Variants in ZGRF1 observed in about 807,000 individuals in gnomAD.
ZGRF1 encodes 5'-3' DNA helicase ZGRF1.
Under a neutral mutation model 203.5 loss-of-function variants are expected in ZGRF1, and 196 were observed. The observed-to-expected ratio is 0.96, with a 90% CI of 0.86 to 1.08. The LOEUF (loss-of-function observed/expected upper bound fraction) is 1.08. Among genes scored for constraint, ZGRF1 ranks in the 50% least tolerant of loss-of-function variants. The probability of loss-of-function intolerance (pLI) is 0.00; values close to 1 mark genes in which losing one functional copy is unlikely to be tolerated. For synonymous variants in ZGRF1, 809 were observed against 841.3 expected (o/e 0.96, Z 0.66); for missense variants, 2,326 against 2,416.3 (o/e 0.96, Z 0.78).
chr4:112,622,729 C>T (rs1172759306), intron 4 of ZGRF1, among the ~76,000 whole-genome samples: 2 of 152,086 alleles, frequency 1.3e-5, no homozygotes, highest in Non-Finnish European at 2.9e-5. Flanking sequence ...AATATCCTAA[C>T]TCTTCACTAA....
chr4:112,565,334 A>C lies in ZGRF1; in HGVS notation c.4439-2060T>G, dbSNP rs943447719. The C allele has an allele frequency of 2.2e-6, 3 of 1,344,934 alleles. No homozygotes were observed. The African/African-American group carries it at 4.3e-5, about 19-fold the overall frequency. 83.3% of individuals were successfully genotyped at this position (1,344,934 alleles called of 1,614,324 possible). Reference sequence around the variant, plus strand: ...ACCAACCTGTGTGCTATCCATGCCAAACGTGTAACAATTATGCCAAAAGAC... The same window carrying C: ...ACCAACCTGTGTGCTATCCATGCCACACGTGTAACAATTATGCCAAAAGAC... On this transcript the variant is annotated intron_variant, in intron 16 of 27. Transcript: ENST00000505019.
intron 16 of ZGRF1, among the ~76,000 whole-genome samples, chr4:112,572,985 A>G (rs1744462027): frequency 6.6e-6 from 1 of 152,208 alleles, no homozygotes; most frequent in South Asian, 2.1e-4. Flanking sequence ...AACAGTGTGG[A>G]GATTCCTTAA....
chr4:112,634,745 T>C (rs772966165), intron 1 of ZGRF1, among the ~76,000 whole-genome samples: 2 of 152,182 alleles, frequency 1.3e-5, no homozygotes, highest in East Asian at 1.9e-4. Context: ...GGAGAAAGAA[T>C]AGGTAAGGGG....
At chr4:112,620,261 A>G (rs750434697) in intron 4 of ZGRF1, 71 bp from the exon 5 acceptor site, 57 of 1,217,648 alleles carry the variant, frequency 4.7e-5, no homozygotes, top group South Asian at 3.0e-4. Context: ...GATGCTCACT[A>G]GCACTAAGAC....
rs555500755 is a variant in ZGRF1, at chr4:112,566,200, T to C, written c.4439-2926A>G. ...TTCATGTCCTTTGTAGGGACATGGA[T>C]GAAATTGGAAATCATCATTCTCAGT... On this transcript the variant is annotated intron_variant, in intron 16 of 27. Transcript: ENST00000505019. Among the ~76,000 whole-genome samples the C allele has an allele frequency of 3.3e-5, 5 of 151,754 alleles. No homozygotes were observed. In the East Asian group the frequency reaches 5.8e-4, roughly 18 times the overall value.
At chr4:112,539,809 C>G in intron 27 of ZGRF1, 54 bp downstream of exon 27, 9 of 1,600,960 alleles carry the variant, frequency 5.6e-6, no homozygotes, top group Non-Finnish European at 7.7e-6. Context: ...AGCATTAACC[C>G]ATAAAAGTCA....
At chr4:112,558,531 C>T (rs1741377151) in intron 19 of ZGRF1, among the ~76,000 whole-genome samples, 2 of 152,076 alleles carry the variant, frequency 1.3e-5, no homozygotes, top group Admixed American at 6.6e-5. Flanking sequence ...CCACACCTGG[C>T]TAATTTTTGT....
In ZGRF1 at chr4:112,612,554, C is replaced by G. The variant is rs2046723900; in HGVS notation, c.2637G>C (p.Lys879Asn). Residue 879 changes from lysine (K) to asparagine (N), a missense_variant, in exon 7 of 28, where the codon AAG (lysine) becomes AAC (asparagine). By Grantham distance (94) the Lys-to-Asn change is moderately conservative (BLOSUM62 0). Coordinates refer to ENST00000505019, the MANE Select transcript of ZGRF1 (RefSeq NM_018392.5). ...GAGAATCCTTGTGCAGATGAGGAGA[C>G]TTTGGTGAAACTACTGTAATAAATG... ...RKPFITVVSP[K>N]SPHLHKDSQQ... is the part of the protein sequence containing the mutation. The G allele has an allele frequency of 2.5e-6, 4 of 1,608,102 alleles. No individual in the cohort carries two copies. Among genetic ancestry groups the G allele is most frequent in the Non-Finnish European group, 3.4e-6 (4 of 1,176,034 alleles).
intron 3 of ZGRF1, 154 bp from the exon 4 acceptor site, chr4:112,624,030 A>G (rs549675475): frequency 1.7e-6 from 1 of 585,192 alleles, no homozygotes; most frequent in South Asian, 2.3e-5. Flanking sequence ...TCTATTTTGA[A>G]TGTTTATTAT....
Position 112,581,786 on chromosome 4 carries a change from G to GA in ZGRF1, c.4314dup (p.Gln1439SerfsTer17). 2 of 1,421,150 alleles carry GA rather than the reference G, an allele frequency of 1.4e-6. No homozygotes were observed. The highest frequency in any genetic ancestry group is 1.9e-6 in the Non-Finnish European group (2 of 1,065,450). 88.0% of individuals were successfully genotyped at this position (1,421,150 alleles called of 1,614,324 possible). A position where few individuals can be genotyped will look rare whatever the true frequency, so the allele number is the denominator to read the frequency against. On this transcript the variant is annotated frameshift_variant, in exon 16 of 28. Coordinates refer to ENST00000505019, the MANE Select transcript of ZGRF1 (RefSeq NM_018392.5). LOFTEE classifies it high-confidence loss of function. ...TTTAGTTTGCCATACTGTTTTCTCT[G>GA]AAAATCAAATCCTTTTCTGAAAAGG...
intron 7 of ZGRF1, chr4:112,610,614 C>T (rs575799915): frequency 9.2e-5 from 14 of 152,178 alleles, no homozygotes; most frequent in African/African-American, 3.1e-4. Flanking sequence ...TATCAAGAAC[C>T]CAAGAAAGAA....
chr4:112,610,448 G>A (rs959308440), intron 7 of ZGRF1, among the ~76,000 whole-genome samples: 3 of 151,876 alleles, frequency 2.0e-5, no homozygotes, highest in African/African-American at 7.3e-5. Context: ...GCGTGAGCCT[G>A]TGGTCCCAGC....
chr4:112,619,732 T>C, intron 5 of ZGRF1, 42 bp from the exon 6 acceptor site: 2 of 1,420,160 alleles, frequency 1.4e-6, no homozygotes, highest in East Asian at 4.6e-5. Context: ...CATTACCCAT[T>C]AAGAAAATGT....
intron 7 of ZGRF1, chr4:112,611,052 T>C (rs570378577): frequency 5.0e-6 from 1 of 198,584 alleles, no homozygotes; most frequent in East Asian, 1.7e-4. Context: ...AAAATCAACA[T>C]TATTAAAAGG....
At chr4:112,544,900 C>G (rs1433006866) in intron 24 of ZGRF1, among the ~76,000 whole-genome samples, 1 of 152,194 alleles carries the variant, frequency 6.6e-6, no homozygotes, top group African/African-American at 2.4e-5. Flanking sequence ...AAAGGATAGT[C>G]TTTTCCACAC....
In ZGRF1 at chr4:112,581,792, C is replaced by A; in HGVS notation, c.4309G>T (p.Asp1437Tyr). 2 of 1,399,124 alleles carry A rather than the reference C, an allele frequency of 1.4e-6. No homozygotes were observed. The highest frequency in any genetic ancestry group is 1.6e-5 in the South Asian group (1 of 64,258). The allele number at this position is 1,399,124 out of a possible 1,614,324, so 86.7% of individuals were successfully genotyped here. Residue 1437 changes from aspartate (D) to tyrosine (Y), a missense_variant, in exon 16 of 28, where the codon GAT becomes TAT. Transcript: ENST00000505019. ...TTGCCATACTGTTTTCTCTGAAAAT[C>A]AAATCCTTTTCTGAAAAGGGAATAA... ...ECQLLVRKGF[D>Y]FQRKQYGKLK... is the part of the protein sequence containing the mutation.
rs529608817 is a variant in ZGRF1, at chr4:112,577,541, A to G, written c.4438+4122T>C. On this transcript the variant is annotated intron_variant, in intron 16 of 27. Transcript: ENST00000505019. ...GCTGTATTCAGGAAACCCATCTCAC[A>G]TGCAGAGACACACATAGGCTCAAAA... 1.6e-5 allele frequency among the ~76,000 whole-genome samples: 2 copies of G among 122,622 alleles called. 1 individual carries two copies. Among genetic ancestry groups the G allele is most frequent in the East Asian group, 4.8e-4 (2 of 4,150 alleles). The allele number at this position is 122,622 out of a possible 152,430, so 80.4% of individuals were successfully genotyped here.
At chr4:112,541,071 A>G (rs1423558546) in intron 25 of ZGRF1, 21 bp downstream of exon 25, 1 of 1,557,058 alleles carries the variant, frequency 6.4e-7, no homozygotes, top group Non-Finnish European at 8.7e-7. Flanking sequence ...GTTGACTCTC[A>G]TCAACATTAA....
At chr4:112,581,591 C>T (rs1450818129) in intron 16 of ZGRF1, 72 bp downstream of exon 16, 3 of 1,033,816 alleles carry the variant, frequency 2.9e-6, no homozygotes, top group Non-Finnish European at 2.6e-6. Flanking sequence ...TTAATATAAA[C>T]AATTTATACA....
Sources: gnomAD v4.1 joint callset for allele counts (sites outside exome capture counted in the v4.1 genomes callset) on GRCh38, gnomAD v4.1.1 for gene constraint, MANE v1.5 for transcripts, NCBI Gene and HGNC (gene_info 2026-07-23, HGNC 2026-07-21) for gene names.